The following CCDC171 variants were observed in gnomAD, a reference collection of about 807,000 sequenced individuals.
CCDC171 encodes coiled-coil domain-containing protein 171.
Under a neutral mutation model 168.2 loss-of-function variants are expected in CCDC171, and 177 were observed. That is an observed-to-expected ratio of 1.05 (90% CI 0.93 to 1.19). The LOEUF (loss-of-function observed/expected upper bound fraction) is 1.19. Among genes scored for constraint, CCDC171 ranks in the 50% most tolerant of loss-of-function variants. The pLI is 0.00. For missense variants in CCDC171, 1,991 were observed against 1,539.0 expected (o/e 1.29, Z -4.91); for synonymous variants, 687 against 540.8 (o/e 1.27, Z -3.75).
Position 15,571,859 on chromosome 9 carries a change from C to T in CCDC171, c.177+100C>T, listed in dbSNP as rs893212845. ...CCATGTTTAACCTTTATAACTATAC[C>T]ATTCTTGGGCTTAAAAAGGAAATTG... On this transcript the variant is annotated intron_variant, in intron 3 of 25. Coordinates refer to ENST00000380701, the MANE Select transcript of CCDC171 (RefSeq NM_173550.4). 3.5e-5 allele frequency: 36 copies of T among 1,031,242 alleles called. No individual in the cohort carries two copies. The African/African-American group carries it at 4.1e-4, about 12-fold the overall frequency. The allele number at this position is 1,031,242 out of a possible 1,614,324, so 63.9% of individuals were successfully genotyped here. A position where few individuals can be genotyped will look rare whatever the true frequency, so the allele number is the denominator to read the frequency against.
At chr9:16,025,696 C>T (rs930164420) in intron 6 of CCDC171, among the ~76,000 whole-genome samples, 2 of 152,030 alleles carry the variant, frequency 1.3e-5, no homozygotes, top group Non-Finnish European at 2.9e-5. Flanking sequence ...TCACAAAAGC[C>T]CATTTACTGT....
intron 25 of CCDC171, among the ~76,000 whole-genome samples, chr9:15,930,909 G>A (rs1826430960): frequency 6.6e-6 from 1 of 151,628 alleles, no homozygotes; most frequent in Non-Finnish European, 1.5e-5. Flanking sequence ...TAATGATCCA[G>A]TCAGGGTAGT....
At chr9:15,553,751 A>C (rs577446835) in intron 1 of CCDC171, 4 of 152,336 alleles carry the variant, frequency 2.6e-5, no homozygotes, top group African/African-American at 9.6e-5. Flanking sequence ...CCTACCCTCC[A>C]GGACTCTGAG....
At chr9:15,834,906 C>T (rs2060377188) in intron 21 of CCDC171, among the ~76,000 whole-genome samples, 1 of 152,122 alleles carries the variant, frequency 6.6e-6, no homozygotes, top group East Asian at 1.9e-4. Context: ...CAAAGCAAAC[C>T]AAAATCATCA....
At chr9:16,051,113 TC>T (rs1163343608) in intron 1 of CCDC171, among the ~76,000 whole-genome samples, 17 of 152,162 alleles carry the variant, frequency 1.1e-4, no homozygotes, top group Non-Finnish European at 5.9e-5. Context: ...TCAAATAAAT[TC>T]CCCTTAAAAA....
At chr9:15,608,311 C>A (rs1000698111) in intron 6 of CCDC171, among the ~76,000 whole-genome samples, 1 of 152,178 alleles carries the variant, frequency 6.6e-6, no homozygotes, top group African/African-American at 2.4e-5. Context: ...GATTTAAGTT[C>A]TTTGCAAGTT....
At chr9:15,758,673 C>G (rs1240568187) in intron 18 of CCDC171, among the ~76,000 whole-genome samples, 1 of 152,078 alleles carries the variant, frequency 6.6e-6, no homozygotes, top group Admixed American at 6.5e-5. Flanking sequence ...CTGAATTGTA[C>G]TCCCATATTT....
chr9:16,067,251 A>G, the CCDC171 span, among the ~76,000 whole-genome samples: 2 of 151,950 alleles, frequency 1.3e-5, no homozygotes, highest in East Asian at 1.9e-4. Flanking sequence ...TTGGCTGTAT[A>G]AATGTCTTCT....
intron 11 of CCDC171, among the ~76,000 whole-genome samples, chr9:15,713,410 G>C (rs137880146): frequency 6.6e-6 from 1 of 152,072 alleles, no homozygotes. Flanking sequence ...ACAGGAATAG[G>C]GCCCATGGGA....
intron 24 of CCDC171, among the ~76,000 whole-genome samples, chr9:15,900,162 C>T (rs1326198797): frequency 2.0e-5 from 3 of 152,146 alleles, no homozygotes; most frequent in Admixed American, 2.0e-4. Context: ...GTAATGGATA[C>T]CACTCCTGTG....
chr9:15,689,196 A>G (rs1195468529), intron 10 of CCDC171, among the ~76,000 whole-genome samples: 1 of 152,224 alleles, frequency 6.6e-6, no homozygotes, highest in African/African-American at 2.4e-5. Flanking sequence ...GCAATTTATC[A>G]TGGAAAGAAA....
At chr9:16,052,493 C>A (rs983715547) in intron 1 of CCDC171, among the ~76,000 whole-genome samples, 26 of 152,302 alleles carry the variant, frequency 1.7e-4, no homozygotes, top group Non-Finnish European at 3.1e-4. Flanking sequence ...ACAAACTTCT[C>A]TTCACACTGG....
rs774357844 is a variant in CCDC171 at position 15,784,635 on chromosome 9, C to T, written c.3208C>T (p.Leu1070Phe). The change falls in exon 21 of 26, where the codon CTT (leucine) becomes TTT (phenylalanine). Residue 1070 changes from leucine (L) to phenylalanine (F), a missense_variant. Coordinates refer to ENST00000380701, the MANE Select transcript of CCDC171 (RefSeq NM_173550.4). ...AQQLQELNYK[L>F]ELHSSEEADK... ...ACAACTACAGGAATTGAATTATAAACTTGAATTGCACTCCAGTGAGGAAGC... is the reference window on the plus strand; with the variant it reads ...ACAACTACAGGAATTGAATTATAAATTTGAATTGCACTCCAGTGAGGAAGC... 6.2e-7 allele frequency: 1 copy of T among 1,613,348 alleles called. No homozygotes were observed. The highest frequency in any genetic ancestry group is 2.2e-5 in the East Asian group (1 of 44,834).
intron 6 of CCDC171, among the ~76,000 whole-genome samples, chr9:15,619,104 C>A (rs777077628): frequency 3.3e-5 from 5 of 152,040 alleles, no homozygotes; most frequent in Non-Finnish European, 5.9e-5. Flanking sequence ...GCCGTTCTTC[C>A]AACTCTCCCT....
intron 7 of CCDC171, among the ~76,000 whole-genome samples, chr9:15,640,729 AGACAGTTCT>A (rs1420030722): frequency 6.6e-6 from 1 of 152,178 alleles, no homozygotes; most frequent in Non-Finnish European, 1.5e-5. Flanking sequence ...AAGGGCTTAT[AGACAGTTCT>A]TAATTATGAC....
intron 7 of CCDC171, among the ~76,000 whole-genome samples, chr9:15,634,059 A>G (rs543595193): frequency 1.3e-5 from 2 of 152,230 alleles, no homozygotes; most frequent in East Asian, 3.9e-4. Context: ...TAGCTTTAGG[A>G]GATACACCTA....
chr9:15,735,208 G>T (rs565808898), intron 16 of CCDC171, among the ~76,000 whole-genome samples: 6 of 152,184 alleles, frequency 3.9e-5, no homozygotes, highest in Non-Finnish European at 7.3e-5. Context: ...CTTTAGCACT[G>T]GGTAAAGTTT....
chr9:15,571,781 A>T (rs770328514), intron 3 of CCDC171, 22 bp downstream of exon 3: 3 of 1,559,348 alleles, frequency 1.9e-6, no homozygotes, highest in Non-Finnish European at 2.6e-6. Flanking sequence ...TTTCCTCTCA[A>T]ATAATGTTAA....
intron 11 of CCDC171, among the ~76,000 whole-genome samples, chr9:15,718,679 A>G (rs977699470): frequency 1.3e-5 from 2 of 152,218 alleles, no homozygotes; most frequent in Admixed American, 6.5e-5. Context: ...CTATGTAGTA[A>G]TCTAGAGAAT....
Sources: allele counts gnomAD v4.1 joint callset (sites outside exome capture counted in the v4.1 genomes callset), GRCh38; gene constraint gnomAD v4.1.1; transcripts MANE v1.5; gene names NCBI Gene and HGNC (gene_info 2026-07-23, HGNC 2026-07-21).